Variants in SLC7A9 observed in about 807,000 individuals in gnomAD.
SLC7A9 encodes solute carrier family 7 member 9.
In SLC7A9, 38 loss-of-function variants were observed where a neutral mutation model predicts 54.1. The observed-to-expected ratio is 0.70, with a 90% CI of 0.54 to 0.92. SLC7A9 has a LOEUF of 0.92. SLC7A9 is among the 40% of genes least tolerant of loss of function. The probability of loss-of-function intolerance (pLI) is 0.00; values close to 1 mark genes in which losing one functional copy is unlikely to be tolerated. For missense variants in SLC7A9, 537 were observed against 636.1 expected (o/e 0.84, Z 1.68); for synonymous variants, 264 against 258.9 (o/e 1.02, Z -0.19).
chr19:32,858,601 GCC>G, intron 8 of SLC7A9, 58 bp from the exon 9 acceptor site: 1 of 1,384,096 alleles, frequency 7.2e-7, no homozygotes, highest in Non-Finnish European at 1.0e-6. Context: ...AGAGCGGCCG[GCC>G]CCCAAAAGCT....
chr19:32,855,470 C>T (rs543620029), intron 9 of SLC7A9, among the ~76,000 whole-genome samples: 19 of 152,230 alleles, frequency 1.2e-4, no homozygotes, highest in Admixed American at 4.6e-4. Flanking sequence ...GAGGCCAAGG[C>T]GGGCGGATCA....
intron 9 of SLC7A9, among the ~76,000 whole-genome samples, chr19:32,858,007 T>C (rs1365396952): frequency 6.6e-6 from 1 of 152,218 alleles, no homozygotes; most frequent in African/African-American, 2.4e-5. Context: ...AATTTGCTAA[T>C]TAGCAAATTA....
chr19:32,864,584 C>A, intron 3 of SLC7A9, 45 bp downstream of exon 3: 2 of 1,608,446 alleles, frequency 1.2e-6, no homozygotes. Context: ...CCTGGCGTGC[C>A]CCTGCATGCT....
intron 9 of SLC7A9, among the ~76,000 whole-genome samples, chr19:32,852,654 C>G (rs1197601344): frequency 6.6e-6 from 1 of 151,916 alleles, no homozygotes; most frequent in Non-Finnish European, 1.5e-5. Context: ...ATATTAATTC[C>G]CAAAAGAAGT....
chr19:32,860,047 G>A, intron 7 of SLC7A9, 83 bp from the exon 8 acceptor site: 4 of 1,611,016 alleles, frequency 2.5e-6, no homozygotes, highest in South Asian at 2.2e-5. Flanking sequence ...GGCCCTCCCA[G>A]GGAGAAGATT....
chr19:32,837,510 A>G (rs1306570600), intron 11 of SLC7A9, among the ~76,000 whole-genome samples: 6 of 91,542 alleles, frequency 6.6e-5, no homozygotes, highest in Non-Finnish European at 1.1e-4. Context: ...AAAAAAAAAA[A>G]AAAAAAAAGA....
chr19:32,832,848 G>A (rs1967845038), intron 12 of SLC7A9: 1 of 361,954 alleles, frequency 2.8e-6, no homozygotes, highest in Non-Finnish European at 5.3e-6. Context: ...GTTCAAGACT[G>A]CAGTGAGCTA....
At position 32,864,422 on chromosome 19, in the gene SLC7A9, C is replaced by T. The variant is rs1486406060; in HGVS notation, c.236-84G>A. 1.3e-5 allele frequency: 21 copies of T among 1,586,970 alleles called. 1 individual carries two copies. In the East Asian group the frequency reaches 2.2e-4, roughly 17 times the overall value. ...GGAGCCTTCCTCCCACCGGAGGCTGCGCTCGTATGGAGGGGCCCACCGTGG... is the reference window on the plus strand; with the variant it reads ...GGAGCCTTCCTCCCACCGGAGGCTGTGCTCGTATGGAGGGGCCCACCGTGG... On this transcript the variant is annotated intron_variant, in intron 3 of 12. Transcript: ENST00000023064.
At chr19:32,861,601 T>C (rs1478619581) in intron 6 of SLC7A9, among the ~76,000 whole-genome samples, 2 of 152,070 alleles carry the variant, frequency 1.3e-5, no homozygotes, top group Non-Finnish European at 2.9e-5. Context: ...TGCTTGAGTG[T>C]AGGAGTTTGA....
rs1376858968 is a variant in SLC7A9 at position 32,836,446 on chromosome 19, T to C, written c.1225-3123A>G. Among the ~76,000 whole-genome samples the C allele has an allele frequency of 2.0e-5, 3 of 152,238 alleles. No individual in the cohort carries two copies. In the East Asian group the frequency reaches 5.8e-4, roughly 29 times the overall value. On this transcript the variant is annotated intron_variant, in intron 11 of 12. Coordinates refer to ENST00000023064, the MANE Select transcript of SLC7A9 (RefSeq NM_014270.5). Reference sequence around the variant, plus strand: ...TTATCAATTTCCTGTTTTGTTTCATTAAAGAGAGAGAATGTTATTTGCTTT... The same window carrying C: ...TTATCAATTTCCTGTTTTGTTTCATCAAAGAGAGAGAATGTTATTTGCTTT...
intron 11 of SLC7A9, 101 bp from the exon 12 acceptor site, chr19:32,833,424 CT>C: frequency 1.0e-6 from 1 of 967,958 alleles, no homozygotes; most frequent in Non-Finnish European, 1.6e-6. Flanking sequence ...CATGTACCCC[CT>C]CCTCCAATTT....
intron 12 of SLC7A9, among the ~76,000 whole-genome samples, chr19:32,832,288 TCAAAA>T (rs747048909): frequency 1.4e-5 from 2 of 142,108 alleles, no homozygotes; most frequent in Non-Finnish European, 3.0e-5. Context: ...AAACTCCATC[TCAAAA>T]CAAAGAAAAT....
intron 9 of SLC7A9, among the ~76,000 whole-genome samples, chr19:32,852,907 T>C (rs1021595873): frequency 3.0e-5 from 1 of 32,830 alleles, no homozygotes; most frequent in Non-Finnish European, 5.6e-5. Flanking sequence ...GCTATAAACT[T>C]TTTTTTTTTT....
chr19:32,859,823 C>T lies in SLC7A9; in HGVS notation c.873+18G>A, dbSNP rs368896239. The T allele has an allele frequency of 5.0e-6, 8 of 1,602,514 alleles. No homozygotes were observed. The East Asian group carries it at 1.3e-4, about 27-fold the overall frequency. Reference sequence around the variant, plus strand: ...CACAAGCCACAGCCCCCGCCAGCAGCGATGCCCGGGCACTCACCACAGCCA... The same window carrying T: ...CACAAGCCACAGCCCCCGCCAGCAGTGATGCCCGGGCACTCACCACAGCCA... On this transcript the variant is annotated intron_variant, in intron 8 of 12. Transcript: ENST00000023064.
chr19:32,845,886 C>T (rs981607542), intron 9 of SLC7A9, among the ~76,000 whole-genome samples: 10 of 152,122 alleles, frequency 6.6e-5, no homozygotes, highest in Non-Finnish European at 1.3e-4. Flanking sequence ...TGCCTATAAT[C>T]CCATCTACTT....
rs535555104 is a variant in SLC7A9, at chr19:32,833,711, C to G, written c.1225-388G>C. Among the ~76,000 whole-genome samples, 8 of 151,878 alleles carry G rather than the reference C, an allele frequency of 5.3e-5. 1 individual carries two copies. Among genetic ancestry groups the G allele is most frequent in the African/African-American group, 1.9e-4 (8 of 41,404 alleles). On this transcript the variant is annotated intron_variant, in intron 11 of 12. Coordinates refer to ENST00000023064, the MANE Select transcript of SLC7A9 (RefSeq NM_014270.5). ...TCCTCAGGAGCTGAGGCAGGAGAGTCGCTTGAACCCAGGAGGCAGAGGTTG... is the reference window on the plus strand; with the variant it reads ...TCCTCAGGAGCTGAGGCAGGAGAGTGGCTTGAACCCAGGAGGCAGAGGTTG...
In SLC7A9 at chr19:32,868,573, G is replaced by A. The variant is rs11084677; in HGVS notation, c.-39C>T. 0.081 allele frequency: 125,934 copies of A among 1,545,648 alleles called. 8,868 individuals carry two copies. The highest frequency in any genetic ancestry group is 0.35 in the African/African-American group (25,469 of 73,616). On this transcript the variant is annotated 5_prime_UTR_variant, in exon 2 of 13. Coordinates refer to ENST00000023064, the MANE Select transcript of SLC7A9 (RefSeq NM_014270.5). ...GGTTCCAGGAGACTGCAAGGAGGGC[G>A]CACAGCTAAATCTTGGTTCAGCAGC...
intron 8 of SLC7A9, 101 bp from the exon 9 acceptor site, chr19:32,858,644 A>G: frequency 2.3e-6 from 2 of 866,070 alleles, no homozygotes; most frequent in Non-Finnish European, 3.7e-6. Context: ...CCAGGGACCC[A>G]CCTCGCCTCG....
intron 9 of SLC7A9, among the ~76,000 whole-genome samples, chr19:32,844,685 G>T (rs953914161): frequency 6.6e-6 from 1 of 151,408 alleles, no homozygotes; most frequent in African/African-American, 2.4e-5. Flanking sequence ...TGAAAAATTA[G>T]CTGGGCATGG....
Sources: gnomAD v4.1 joint callset for allele counts (sites outside exome capture counted in the v4.1 genomes callset) on GRCh38, gnomAD v4.1.1 for gene constraint, MANE v1.5 for transcripts, NCBI Gene and HGNC (gene_info 2026-07-23, HGNC 2026-07-21) for gene names.